The following RRBP1 variants were observed in gnomAD, a reference collection of about 807,000 sequenced individuals.
RRBP1 encodes ribosome-binding protein 1.
A neutral mutation model predicts 165.2 loss-of-function variants in RRBP1; 94 were observed. The observed-to-expected ratio is 0.57, with a 90% CI of 0.48 to 0.68. RRBP1 has a LOEUF of 0.68. Ranked by LOEUF, RRBP1 falls within the 30% of genes least tolerant of loss-of-function variation. RRBP1 has a pLI of 0.00. For missense variants in RRBP1, 1,676 were observed against 1,763.0 expected, an observed-to-expected ratio of 0.95 and a Z score of 0.88; for synonymous variants, 680 against 714.5, an observed-to-expected ratio of 0.95 and a Z score of 0.77.
At position 17,660,411 on chromosome 20, in the gene RRBP1, T is replaced by C. The variant is rs1367887087; in HGVS notation, c.97A>G (p.Met33Val). 7 of 1,614,178 alleles carry C rather than the reference T, an allele frequency of 4.3e-6. No homozygotes were observed. The highest frequency in any genetic ancestry group is 4.2e-6 in the Non-Finnish European group (5 of 1,180,030). ...IGIFLVSTFS[M>V]KETSYEEALA... ...GCTTCTTCATATGACGTTTCCTTCA[T>C]GGAGAAAGTCGACACCAGGAAGATG... The change falls in exon 3 of 25, where the codon ATG becomes GTG. Residue 33 changes from methionine (M) to valine (V), a missense_variant. Met to Val is a conservative substitution (Grantham distance 21). This residue lies in a region of RRBP1 where 392 missense variants were observed against 382.5 expected (regional missense o/e 1.02). Transcript: ENST00000377813.
At chr20:17,644,740 C>T (rs1207754929) in intron 3 of RRBP1, among the ~76,000 whole-genome samples, 1 of 152,054 alleles carries the variant, frequency 6.6e-6, no homozygotes, top group East Asian at 1.9e-4. Context: ...GCTGGCCTGA[C>T]TCGAGATGTG....
rs749889354 is a variant in RRBP1, at chr20:17,625,585, G to A, written c.2981C>T (p.Ser994Phe). 2.2e-5 allele frequency: 36 copies of A among 1,613,904 alleles called. No homozygotes were observed. The highest frequency in any genetic ancestry group is 3.1e-5 in the Non-Finnish European group (36 of 1,179,886). Residue 994 changes from serine to phenylalanine, a missense_variant, in exon 12 of 25, where the codon TCC (serine) becomes TTC (phenylalanine). Ser to Phe is a radical substitution (Grantham distance 155, BLOSUM62 -2). Around this residue, in one of 5 missense-constraint regions of RRBP1, gnomAD observed 1,184 missense variants for 1,167.1 expected, o/e 1.01. Coordinates refer to ENST00000377813, the MANE Select transcript of RRBP1 (RefSeq NM_001365613.2). ...QQQTRLKELE[S>F]QVSGLEKEAI... is the part of the protein sequence containing the mutation. ...CTCCTTCTCCAGACCCGACACCTGG[G>A]ACTCCAGCTCCTTGAGGCTGAAGGG... is the stretch of plus-strand genomic sequence containing the variant.
intron 3 of RRBP1, among the ~76,000 whole-genome samples, chr20:17,655,470 C>A (rs1342366603): frequency 1.3e-5 from 2 of 152,264 alleles, no homozygotes; most frequent in Non-Finnish European, 2.9e-5. Flanking sequence ...GAATTTGGCA[C>A]CCGACTTCTC....
At chr20:17,646,884 T>A (rs915011000) in intron 3 of RRBP1, among the ~76,000 whole-genome samples, 1 of 152,284 alleles carries the variant, frequency 6.6e-6, no homozygotes, top group South Asian at 2.1e-4. Flanking sequence ...CAGCCCTAAG[T>A]GGCCTCATGA....
rs916858504 is a variant in RRBP1 at position 17,619,835 on chromosome 20, G to T, written c.3580-107C>A. On this transcript the variant is annotated intron_variant, in intron 18 of 24. Transcript: ENST00000377813. Reference sequence around the variant, plus strand: ...CTGGGATAGGTGAGGCCTCTCGGGAGATCCCTGAGGCCCACCAGCTACCAA... The same window carrying T: ...CTGGGATAGGTGAGGCCTCTCGGGATATCCCTGAGGCCCACCAGCTACCAA... 8.7e-6 allele frequency: 6 copies of T among 687,798 alleles called. No homozygotes were observed. The African/African-American group carries it at 9.0e-5, about 10-fold the overall frequency. The allele number at this position is 687,798 out of a possible 1,614,324, so 42.6% of individuals were successfully genotyped here.
intron 8 of RRBP1, among the ~76,000 whole-genome samples, chr20:17,633,115 T>C (rs992820478): frequency 3.3e-5 from 5 of 152,324 alleles, no homozygotes; most frequent in African/African-American, 1.2e-4. Context: ...CTTGAGGTAG[T>C]TGCTGAACTT....
intron 8 of RRBP1, among the ~76,000 whole-genome samples, chr20:17,632,208 G>A (rs993195138): frequency 6.6e-6 from 1 of 152,198 alleles, no homozygotes; most frequent in Non-Finnish European, 1.5e-5. Context: ...GTGTCAGACT[G>A]GAGAGCAGGG....
intron 5 of RRBP1, among the ~76,000 whole-genome samples, chr20:17,639,091 G>C (rs979520598): frequency 6.6e-6 from 1 of 152,252 alleles, no homozygotes; most frequent in Non-Finnish European, 1.5e-5. Flanking sequence ...TCAGGACAGA[G>C]GTTCTGGTGC....
intron 1 of RRBP1, among the ~76,000 whole-genome samples, chr20:17,680,278 G>A (rs532277952): frequency 6.6e-6 from 1 of 152,334 alleles, no homozygotes; most frequent in Admixed American, 6.5e-5. Context: ...CACAGGGCGG[G>A]GTAACATTCG....
intron 3 of RRBP1, among the ~76,000 whole-genome samples, chr20:17,657,313 G>A (rs983817115): frequency 2.6e-5 from 4 of 152,232 alleles, no homozygotes; most frequent in African/African-American, 9.6e-5. Flanking sequence ...GCTCACAGGG[G>A]ACAGGGCCTC....
rs940249502 is a variant in RRBP1 at position 17,635,632 on chromosome 20, G to A, written c.2370C>T (p.Gly790=). Residue 790 remains glycine, a synonymous_variant, in exon 7 of 25, where the codon GGC becomes GGT. Transcript: ENST00000377813. ...GCAGGCGGGCCAGCTGCGTGTTGGGGCCATTCTCCAGCTGCTCCTGAAGAG... is the reference window on the plus strand; with the variant it reads ...GCAGGCGGGCCAGCTGCGTGTTGGGACCATTCTCCAGCTGCTCCTGAAGAG... ...IRTLQEQLEN[G]PNTQLARLQQ... 5 of 1,613,474 alleles carry A rather than the reference G, an allele frequency of 3.1e-6. No individual in the cohort carries two copies. Among genetic ancestry groups the A allele is most frequent in the Non-Finnish European group, 4.2e-6 (5 of 1,179,902 alleles).
chr20:17,614,302 G>A, intron 24 of RRBP1, 82 bp from the exon 25 acceptor site: 1 of 1,392,586 alleles, frequency 7.2e-7, no homozygotes, highest in South Asian at 1.2e-5. Context: ...TGGGCCTTTA[G>A]TCCCTCCCTG....
At chr20:17,648,773 A>T (rs2036507748) in intron 3 of RRBP1, among the ~76,000 whole-genome samples, 1 of 152,106 alleles carries the variant, frequency 6.6e-6, no homozygotes, top group South Asian at 2.1e-4. Context: ...ACCTGGAGTT[A>T]AAAAAAACCC....
intron 2 of RRBP1, among the ~76,000 whole-genome samples, chr20:17,665,301 G>A (rs2036849277): frequency 6.6e-6 from 1 of 152,154 alleles, no homozygotes; most frequent in South Asian, 2.1e-4. Flanking sequence ...ACATTGTTCT[G>A]GGTGCTATTT....
intron 5 of RRBP1, among the ~76,000 whole-genome samples, chr20:17,640,449 G>C (rs551914743): frequency 6.6e-6 from 1 of 152,346 alleles, no homozygotes; most frequent in South Asian, 2.1e-4. Context: ...GTGAGTGGCT[G>C]AGCTGGGGCC....
chr20:17,638,356 G>T lies in RRBP1; in HGVS notation c.2185-1627C>A, dbSNP rs376243712. ...AGGCATTCCCACAGCCACATGGATGGCTGGTTGGGAAGCCACACTTGGGTC... is the reference window on the plus strand; with the variant it reads ...AGGCATTCCCACAGCCACATGGATGTCTGGTTGGGAAGCCACACTTGGGTC... On this transcript the variant is annotated intron_variant, in intron 5 of 24. Transcript: ENST00000377813. 3.3e-5 allele frequency among the ~76,000 whole-genome samples: 5 copies of T among 152,198 alleles called. No individual in the cohort carries two copies. In the East Asian group the frequency reaches 9.6e-4, roughly 29 times the overall value.
intron 3 of RRBP1, among the ~76,000 whole-genome samples, chr20:17,646,019 G>C (rs1048101000): frequency 6.6e-6 from 1 of 152,176 alleles, no homozygotes; most frequent in African/African-American, 2.4e-5. Context: ...CACTTTGATG[G>C]ATAATCCAGA....
At chr20:17,673,107 T>A (rs910455757) in intron 2 of RRBP1, among the ~76,000 whole-genome samples, 1 of 152,240 alleles carries the variant, frequency 6.6e-6, no homozygotes, top group Non-Finnish European at 1.5e-5. Flanking sequence ...AGTGCATTTT[T>A]CTGTATATAT....
intron 21 of RRBP1, 63 bp from the exon 22 acceptor site, chr20:17,616,072 T>C: frequency 7.1e-7 from 1 of 1,415,710 alleles, no homozygotes; most frequent in Non-Finnish European, 9.8e-7. Context: ...GGCCCAGGGA[T>C]CCAGCACAGG....
Sources: gnomAD v4.1 joint callset for allele counts (sites outside exome capture counted in the v4.1 genomes callset) on GRCh38, gnomAD v4.1.1 for gene constraint, gnomAD v4.1.1 regional missense constraint, MANE v1.5 for transcripts, NCBI Gene and HGNC (gene_info 2026-07-23, HGNC 2026-07-21) for gene names.